Variants in DOCK9 observed in about 807,000 individuals in gnomAD.
DOCK9 encodes dedicator of cytokinesis 9.
A neutral mutation model predicts 263.3 loss-of-function variants in DOCK9; 89 were observed. The observed-to-expected ratio is 0.34, with a 90% confidence interval of 0.28 to 0.40. DOCK9 has a LOEUF of 0.40. Ranked by LOEUF, DOCK9 falls within the 10% of genes least tolerant of loss-of-function variation. The pLI, the probability that DOCK9 is intolerant of heterozygous loss-of-function variation, is 1.00. For missense variants in DOCK9, 2,140 were observed against 2,603.4 expected (o/e 0.82, Z 3.87); for synonymous variants, 976 against 973.1 (o/e 1.00, Z -0.06).
At chr13:98,980,428 G>A (rs564225242), upstream of DOCK9, among the ~76,000 whole-genome samples, 5 of 152,228 alleles carry the variant, frequency 3.3e-5, no homozygotes, top group Non-Finnish European at 5.9e-5. Flanking sequence ...GAGAGCAGGG[G>A]CAATATGGAT....
chr13:98,863,116 A>G lies in DOCK9; in HGVS notation c.3482T>C (p.Ile1161Thr). The stretch of plus-strand genomic sequence containing the variant: ...AAACAGAGGCAGGTAGAGGGTGGCT[A>G]TCCTTGCCTGATGGCTCTGAAAAGA... Reference protein sequence around the residue: ...RYASRSHQARIATLYLPLFGL... With the variant: ...RYASRSHQARTATLYLPLFGL... Residue 1161 changes from isoleucine (I) to threonine (T), a missense_variant, in exon 32 of 53, where the codon ATA becomes ACA. Ile to Thr is a moderately conservative substitution (Grantham distance 89, BLOSUM62 -1). Coordinates refer to ENST00000682017, the MANE Select transcript of DOCK9 (RefSeq NM_001366683.2). 1.9e-6 allele frequency: 3 copies of G among 1,607,834 alleles called. No individual in the cohort carries two copies. The highest frequency in any genetic ancestry group is 2.5e-6 in the Non-Finnish European group (3 of 1,177,182).
intron 49 of DOCK9, among the ~76,000 whole-genome samples, chr13:98,802,705 T>G (rs925130482): frequency 7.2e-5 from 11 of 152,116 alleles, no homozygotes; most frequent in Non-Finnish European, 1.6e-4. Flanking sequence ...GTCAGCTGAC[T>G]GGGAACTACC....
intron 1 of DOCK9, among the ~76,000 whole-genome samples, chr13:99,036,654 G>A (rs1420386101): frequency 6.6e-6 from 1 of 152,136 alleles, no homozygotes; most frequent in African/African-American, 2.4e-5. Flanking sequence ...TGATTCTCCT[G>A]CCTCAGCCTC....
At chr13:98,906,382 A>G (rs2049101674) in intron 9 of DOCK9, among the ~76,000 whole-genome samples, 1 of 152,188 alleles carries the variant, frequency 6.6e-6, no homozygotes, top group South Asian at 2.1e-4. Flanking sequence ...ACAGAAAGAG[A>G]GAGAGGCTTT....
At chr13:98,868,456 T>C in intron 27 of DOCK9, 79 bp from the exon 28 acceptor site, 1 of 1,459,264 alleles carries the variant, frequency 6.9e-7, no homozygotes, top group Non-Finnish European at 9.2e-7. Flanking sequence ...CATCCCTGAG[T>C]CCATCTTAAA....
At chr13:98,798,659 G>A (rs761859825) in intron 50 of DOCK9, among the ~76,000 whole-genome samples, 4 of 152,228 alleles carry the variant, frequency 2.6e-5, no homozygotes, top group African/African-American at 2.4e-5. Context: ...AAGAAGCTCC[G>A]CAGACGGCTC....
chr13:98,954,997 A>G (rs1199319613), intron 2 of DOCK9, among the ~76,000 whole-genome samples: 3 of 151,986 alleles, frequency 2.0e-5, no homozygotes, highest in Non-Finnish European at 4.4e-5. Context: ...TTTCTTTCTT[A>G]AATAACATCT....
At chr13:99,061,502 T>C (rs940694679) in intron 1 of DOCK9, among the ~76,000 whole-genome samples, 2 of 152,138 alleles carry the variant, frequency 1.3e-5, no homozygotes, top group Non-Finnish European at 2.9e-5. Flanking sequence ...AACTTGCCAT[T>C]ACAGTTTTCT....
At chr13:98,950,740 T>A (rs1036311363) in intron 2 of DOCK9, among the ~76,000 whole-genome samples, 1 of 152,244 alleles carries the variant, frequency 6.6e-6, no homozygotes, top group Non-Finnish European at 1.5e-5. Flanking sequence ...ACCTTTCTCA[T>A]ATACTGTCAC....
At chr13:99,041,766 C>T (rs1888483379) in intron 1 of DOCK9, among the ~76,000 whole-genome samples, 1 of 152,218 alleles carries the variant, frequency 6.6e-6, no homozygotes, top group East Asian at 1.9e-4. Context: ...CCAGGTGAAC[C>T]CTAACTCAAA....
intron 39 of DOCK9, among the ~76,000 whole-genome samples, chr13:98,836,139 C>T (rs2092990560): frequency 6.6e-6 from 1 of 152,160 alleles, no homozygotes. Flanking sequence ...ACAGGTGCCA[C>T]TCAGACTGCA....
chr13:98,868,426 T>C (rs998206133), intron 27 of DOCK9, 49 bp from the exon 28 acceptor site: 2 of 1,542,724 alleles, frequency 1.3e-6, no homozygotes, highest in Non-Finnish European at 1.8e-6. Flanking sequence ...GTTGCAATCA[T>C]TTGGGAGGAA....
At chr13:99,012,771 C>T (rs1167519974) in intron 1 of DOCK9, among the ~76,000 whole-genome samples, 2 of 152,146 alleles carry the variant, frequency 1.3e-5, no homozygotes, top group African/African-American at 2.4e-5. Flanking sequence ...AACCACACAA[C>T]TTCTTGGTGT....
intron 2 of DOCK9, among the ~76,000 whole-genome samples, chr13:98,944,586 C>T (rs114694101): frequency 4.6e-5 from 7 of 152,278 alleles, no homozygotes; most frequent in Admixed American, 1.3e-4. Context: ...GTCCTGCTCC[C>T]GCATAACATG....
upstream of DOCK9, among the ~76,000 whole-genome samples, chr13:98,980,884 T>C (rs546940224): frequency 1.4e-4 from 22 of 152,316 alleles, no homozygotes; most frequent in African/African-American, 5.3e-4. Context: ...AGTTTTTCTA[T>C]ATTTTTCAAA....
chr13:98,958,381 G>C (rs1424584156), intron 1 of DOCK9, among the ~76,000 whole-genome samples: 3 of 152,270 alleles, frequency 2.0e-5, no homozygotes, highest in South Asian at 2.1e-4. Context: ...AGCTAGGCCT[G>C]AATCTCTGCC....
chr13:98,835,686 G>GAT (rs2092964603), intron 39 of DOCK9, among the ~76,000 whole-genome samples: 1 of 145,522 alleles, frequency 6.9e-6, no homozygotes, highest in African/African-American at 2.5e-5. Context: ...CTGGAGGCCA[G>GAT]ATATTTAGAG....
chr13:98,893,354 T>C (rs1360825113), intron 15 of DOCK9, among the ~76,000 whole-genome samples: 1 of 152,246 alleles, frequency 6.6e-6, no homozygotes, highest in Non-Finnish European at 1.5e-5. Context: ...GTTCTATTTT[T>C]ATACTTTGCC....
intron 1 of DOCK9, among the ~76,000 whole-genome samples, chr13:98,997,091 G>A (rs1881225832): frequency 6.6e-6 from 1 of 152,242 alleles, no homozygotes; most frequent in Non-Finnish European, 1.5e-5. Context: ...CAGTGGAAAA[G>A]AGGGAAAAGA....
Sources: allele counts gnomAD v4.1 joint callset (sites outside exome capture counted in the v4.1 genomes callset), GRCh38; gene constraint gnomAD v4.1.1; transcripts MANE v1.5; gene names NCBI Gene and HGNC (gene_info 2026-07-23, HGNC 2026-07-21).